The following RAP1GAP2 variants were observed in gnomAD, a reference collection of about 807,000 sequenced individuals.
The protein encoded by RAP1GAP2 is RAP1 GTPase activating protein 2.
Under a neutral mutation model 95.0 loss-of-function variants are expected in RAP1GAP2, and 27 were observed. That is an observed-to-expected ratio of 0.28 (90% CI 0.21 to 0.39). The LOEUF (loss-of-function observed/expected upper bound fraction) is 0.39, where lower values mean the gene tolerates loss of function less well. Ranked by LOEUF, RAP1GAP2 falls within the 10% of genes least tolerant of loss-of-function variation. The pLI is 1.00. For synonymous variants in RAP1GAP2, 373 were observed against 380.9 expected (o/e 0.98, Z 0.24); for missense variants, 771 against 970.0 (o/e 0.79, Z 2.72).
Position 3,034,304 on chromosome 17 carries a change from C to T in RAP1GAP2, c.*943C>T, listed in dbSNP as rs903539750. 9 of 183,208 alleles carry T rather than the reference C, an allele frequency of 4.9e-5. No homozygotes were observed. Among genetic ancestry groups the T allele is most frequent in the East Asian group, 3.7e-4 (2 of 5,346 alleles). The allele number at this position is 183,208 out of a possible 1,614,324, so 11.3% of individuals were successfully genotyped here. On this transcript the variant is annotated 3_prime_UTR_variant, in exon 25 of 25. Transcript: ENST00000254695. The surrounding 1 kb of genome is among the most constrained non-coding windows in gnomAD (Gnocchi z 5.1). Reference sequence around the variant, plus strand: ...CTGCTGTGTTGGTTGAGGAAAACCTCGGGCCTGAGGGCCAGGCCGGAGCCC... The same window carrying T: ...CTGCTGTGTTGGTTGAGGAAAACCTTGGGCCTGAGGGCCAGGCCGGAGCCC...
Position 3,004,748 on chromosome 17 carries a change from A to T in RAP1GAP2, c.1201-621A>T, listed in dbSNP as rs760208579. ...CGAACACGGGTCCACCGGCTGCACG[A>T]GAGTTTCCGGGGGGCCCTACCCTTC... On this transcript the variant is annotated intron_variant, in intron 14 of 24. Transcript: ENST00000254695. This position sits in a 1 kb window ranked among gnomAD's most constrained non-coding sequence, Gnocchi z 4.1. Among the ~76,000 whole-genome samples the T allele has an allele frequency of 6.6e-6, 1 of 152,240 alleles. No individual in the cohort carries two copies. The highest frequency in any genetic ancestry group is 1.5e-5 in the Non-Finnish European group (1 of 68,046).
intron 3 of RAP1GAP2, among the ~76,000 whole-genome samples, chr17:2,925,416 C>G (rs1182905215): frequency 1.3e-5 from 2 of 152,122 alleles, no homozygotes; most frequent in Non-Finnish European, 2.9e-5. Flanking sequence ...GTGCCTTCTT[C>G]ACAAGGCAGC....
At chr17:2,842,604 C>A (rs2071415172) in intron 2 of RAP1GAP2, among the ~76,000 whole-genome samples, 2 of 151,650 alleles carry the variant, frequency 1.3e-5, no homozygotes, top group South Asian at 4.2e-4. Flanking sequence ...AGTTTTGGAG[C>A]CCTCCCCTCC....
intron 3 of RAP1GAP2, among the ~76,000 whole-genome samples, chr17:2,911,303 A>G (rs1208439281): frequency 6.7e-6 from 1 of 149,116 alleles, no homozygotes; most frequent in African/African-American, 2.5e-5. Flanking sequence ...AAGCAACCAA[A>G]GAGATGCTGA....
At chr17:3,026,181 T>C (rs991139962) in intron 20 of RAP1GAP2, 60 bp downstream of exon 20, 2 of 1,411,390 alleles carry the variant, frequency 1.4e-6, no homozygotes, top group African/African-American at 2.8e-5. Flanking sequence ...GAACACGCCC[T>C]CTGCCTCCTG....
chr17:2,859,334 C>T (rs942087985), intron 2 of RAP1GAP2, among the ~76,000 whole-genome samples: 15 of 152,036 alleles, frequency 9.9e-5, no homozygotes, highest in Non-Finnish European at 2.9e-5. Flanking sequence ...TGGTCTCGAA[C>T]TCCTGGCCTT....
chr17:2,952,355 C>T lies in RAP1GAP2; in HGVS notation c.166-5404C>T, dbSNP rs538297372. On this transcript the variant is annotated intron_variant, in intron 3 of 24. Transcript: ENST00000254695. ...TGTGCCTTATTTACTTTTCCTTTCA[C>T]GGTTGGGTACTTCCCCCATTGCTTA... is the stretch of plus-strand genomic sequence containing the variant. Among the ~76,000 whole-genome samples, 7 of 152,328 alleles carry T rather than the reference C, an allele frequency of 4.6e-5. No individual in the cohort carries two copies. The East Asian group carries it at 7.7e-4, about 17-fold the overall frequency.
intron 22 of RAP1GAP2, among the ~76,000 whole-genome samples, chr17:3,028,514 A>G (rs1169945023): frequency 2.0e-5 from 3 of 152,212 alleles, no homozygotes; most frequent in Non-Finnish European, 4.4e-5. Flanking sequence ...AAGGGCCAAC[A>G]GGCCTTCAGG....
At position 3,035,295 on chromosome 17, in the gene RAP1GAP2, A is replaced by G. The variant is rs967852536; in HGVS notation, c.*1934A>G. The G allele has an allele frequency of 1.3e-5, 2 of 152,308 alleles. No individual in the cohort carries two copies. Among genetic ancestry groups the G allele is most frequent in the Non-Finnish European group, 2.9e-5 (2 of 68,030 alleles). The allele number at this position is 152,308 out of a possible 1,614,324, so 9.4% of individuals were successfully genotyped here. ...CTTCTGGAGGCACTGGCAAGGTCAA[A>G]CTGCATTTCTTTAAGAACAGTTGCA... On this transcript the variant is annotated 3_prime_UTR_variant, in exon 25 of 25. Transcript: ENST00000254695. This position sits in a 1 kb window ranked among gnomAD's most constrained non-coding sequence, Gnocchi z 4.3.
At chr17:2,859,566 G>T (rs2072288130) in intron 2 of RAP1GAP2, among the ~76,000 whole-genome samples, 1 of 151,914 alleles carries the variant, frequency 6.6e-6, no homozygotes, top group Non-Finnish European at 1.5e-5. Context: ...CTCCCAAGTA[G>T]CTGGGACTAC....
chr17:2,963,122 G>T lies in RAP1GAP2; in HGVS notation c.247-308G>T. The T allele has an allele frequency of 1.8e-6, 1 of 551,780 alleles. No individual in the cohort carries two copies. Among genetic ancestry groups the T allele is most frequent in the Non-Finnish European group, 3.2e-6 (1 of 309,488 alleles). 34.2% of individuals were successfully genotyped at this position (551,780 alleles called of 1,614,324 possible). A position where few individuals can be genotyped will look rare whatever the true frequency, so the allele number is the denominator to read the frequency against. On this transcript the variant is annotated intron_variant, in intron 5 of 24. Transcript: ENST00000254695. This position sits in a 1 kb window ranked among gnomAD's most constrained non-coding sequence, Gnocchi z 4.8. ...CCGCCTGCCTGGAAAGGGGTGCTGG[G>T]GGAGACTAGGGGTCATTTTCCGGAA...
intron 4 of RAP1GAP2, among the ~76,000 whole-genome samples, chr17:2,958,074 G>A (rs2044186793): frequency 6.6e-6 from 1 of 152,098 alleles, no homozygotes; most frequent in African/African-American, 2.4e-5. Context: ...GTGGAGGAGG[G>A]TTTGAAGGGT....
chr17:2,923,122 C>T (rs931254879), intron 3 of RAP1GAP2, among the ~76,000 whole-genome samples: 18 of 151,478 alleles, frequency 1.2e-4, no homozygotes, highest in East Asian at 7.8e-4. Context: ...TCACTGCAAC[C>T]TCCACCTCCT....
At chr17:2,842,830 A>C (rs1290539454) in intron 2 of RAP1GAP2, among the ~76,000 whole-genome samples, 1 of 152,092 alleles carries the variant, frequency 6.6e-6, no homozygotes, top group Admixed American at 6.6e-5. Context: ...AGCCAATCCA[A>C]TTCTGTCAAG....
At chr17:2,876,857 G>A (rs1053279262) in intron 2 of RAP1GAP2, among the ~76,000 whole-genome samples, 3 of 151,534 alleles carry the variant, frequency 2.0e-5, no homozygotes, top group Non-Finnish European at 2.9e-5. Context: ...TTGGTTGGGG[G>A]CCTTAGAATG....
At chr17:2,939,843 C>G (rs1427577964) in intron 3 of RAP1GAP2, among the ~76,000 whole-genome samples, 1 of 152,266 alleles carries the variant, frequency 6.6e-6, no homozygotes, top group Non-Finnish European at 1.5e-5. Flanking sequence ...CTGGGTTCCC[C>G]AGAAAAACGC....
chr17:2,991,500 C>T lies in RAP1GAP2; in HGVS notation c.914+103C>T, dbSNP rs566655907. On this transcript the variant is annotated intron_variant, in intron 12 of 24. Coordinates refer to ENST00000254695, the MANE Select transcript of RAP1GAP2 (RefSeq NM_015085.5). ...GGAGCACGTGTGAGTTAAAAACACA[C>T]AAGAAATGAGGGATGGCTTTTCAGG... is the stretch of plus-strand genomic sequence containing the variant. 31 of 866,054 alleles carry T rather than the reference C, an allele frequency of 3.6e-5. No homozygotes were observed. The African/African-American group carries it at 5.1e-4, about 14-fold the overall frequency. The allele number at this position is 866,054 out of a possible 1,614,324, so 53.6% of individuals were successfully genotyped here. A position where few individuals can be genotyped will look rare whatever the true frequency, so the allele number is the denominator to read the frequency against.
At chr17:3,018,898 A>G (rs2046865421) in intron 18 of RAP1GAP2, among the ~76,000 whole-genome samples, 1 of 152,122 alleles carries the variant, frequency 6.6e-6, no homozygotes, top group Non-Finnish European at 1.5e-5. Context: ...CCCCGTCTCT[A>G]CTAAAAATAC....
At chr17:2,955,777 G>A (rs2044084521) in intron 3 of RAP1GAP2, among the ~76,000 whole-genome samples, 1 of 152,054 alleles carries the variant, frequency 6.6e-6, no homozygotes, top group African/African-American at 2.4e-5. Flanking sequence ...GTTTTTCAGG[G>A]AATTTGTTCA....
Sources: gnomAD v4.1 joint callset for allele counts (sites outside exome capture counted in the v4.1 genomes callset) on GRCh38, gnomAD v4.1.1 for gene constraint, Gnocchi (gnomAD v3.1) non-coding constraint, MANE v1.5 for transcripts, NCBI Gene and HGNC (gene_info 2026-07-23, HGNC 2026-07-21) for gene names.